The following ACOX1 variants were observed in gnomAD, a reference collection of about 807,000 sequenced individuals.
ACOX1 encodes acyl-CoA oxidase 1.
In ACOX1, 41 loss-of-function variants were observed where a neutral mutation model predicts 75.5. The ratio of observed to expected loss-of-function variants is 0.54; its 90% CI spans 0.42 to 0.70. ACOX1 has a LOEUF of 0.70. Ranked by LOEUF, ACOX1 falls within the 30% of genes least tolerant of loss-of-function variation. The probability of loss-of-function intolerance (pLI) is 0.00; values close to 1 mark genes in which losing one functional copy is unlikely to be tolerated. For synonymous variants in ACOX1, 303 were observed against 298.8 expected (o/e 1.01, Z -0.15); for missense variants, 630 against 837.5 (o/e 0.75, Z 3.06).
intron 2 of ACOX1, among the ~76,000 whole-genome samples, chr17:75,974,843 G>A (rs1379715320): frequency 1.3e-5 from 2 of 150,258 alleles, no homozygotes; most frequent in East Asian, 3.9e-4. Flanking sequence ...CCATCAGATC[G>A]AGACCATCCT....
chr17:75,978,389 G>A lies in ACOX1; in HGVS notation c.269+145C>T, dbSNP rs2066078404. ...ATTACAGGCGTGAGCCACCGCGCCC[G>A]GCCACACATATAACTTTATAAAGTT... On this transcript the variant is annotated intron_variant, in intron 2 of 13. Transcript: ENST00000293217. The surrounding 1 kb of genome is among the most constrained non-coding windows in gnomAD (Gnocchi z 4.2). 1.7e-6 allele frequency: 2 copies of A among 1,153,864 alleles called. No individual in the cohort carries two copies. The highest frequency in any genetic ancestry group is 2.5e-6 in the Non-Finnish European group (2 of 792,790). 71.5% of individuals were successfully genotyped at this position (1,153,864 alleles called of 1,614,324 possible).
chr17:75,961,238 A>T (rs2144274022), intron 2 of ACOX1, among the ~76,000 whole-genome samples: 1 of 150,174 alleles, frequency 6.7e-6, no homozygotes, highest in East Asian at 2.0e-4. Context: ...GGTTGCAGTG[A>T]GCTAAGATAA....
At chr17:75,965,337 C>CAAAAAAAAAAA (rs11293371) in intron 2 of ACOX1, among the ~76,000 whole-genome samples, 22 of 81,700 alleles carry the variant, frequency 2.7e-4, no homozygotes, top group African/African-American at 8.0e-4. Flanking sequence ...GACTCTGTCT[C>CAAAAAAAAAAA]AAAAAAAAAA....
At chr17:75,973,481 G>A in intron 2 of ACOX1, 1 of 864,906 alleles carries the variant, frequency 1.2e-6, no homozygotes, top group South Asian at 1.5e-5. Flanking sequence ...AAATGTCTAG[G>A]AGAAAACAAG....
chr17:75,973,524 G>C, intron 2 of ACOX1: 1 of 1,263,684 alleles, frequency 7.9e-7, no homozygotes, highest in Non-Finnish European at 1.1e-6. Flanking sequence ...CTTAAAAATA[G>C]AATCCCAAAC....
Position 75,949,274 on chromosome 17 carries a change from A to C in ACOX1, c.1671T>G (p.Ser557Arg). Residue 557 changes from serine to arginine, a missense_variant, in exon 12 of 14, where the codon AGT (serine) becomes AGG (arginine). Around this residue, in one of 2 missense-constraint regions of ACOX1, gnomAD observed 240 missense variants for 262.7 expected, o/e 0.91. Transcript: ENST00000293217. ...QDKAIQAVLR[S>R]LCLLYSLYGI... ...CATACAGAGAATACAGCAGACATAA[A>C]CTCCTTAAGACAGCTTGAATGGCTT... 1 of 1,614,150 alleles carries C rather than the reference A, an allele frequency of 6.2e-7. No homozygotes were observed. The highest frequency in any genetic ancestry group is 8.5e-7 in the Non-Finnish European group (1 of 1,180,028).
chr17:75,956,959 CTCTCTCTCTCTCTATA>C (rs1234956260), intron 4 of ACOX1, among the ~76,000 whole-genome samples: 45 of 25,198 alleles, frequency 1.8e-3, no homozygotes, highest in Admixed American at 2.1e-3. Context: ...CTCTCTCTCT[CTCTCTCTCTCTCTATA>C]TATATATATA....
In ACOX1 at chr17:75,978,371, G is replaced by A. The variant is rs529925029; in HGVS notation, c.269+163C>T. ...GCCTCCCAAAGTGCTGGGATTACAGGCGTGAGCCACCGCGCCCGGCCACAC... is the reference window on the plus strand; with the variant it reads ...GCCTCCCAAAGTGCTGGGATTACAGACGTGAGCCACCGCGCCCGGCCACAC... On this transcript the variant is annotated intron_variant, in intron 2 of 13. Coordinates refer to ENST00000293217, the MANE Select transcript of ACOX1 (RefSeq NM_004035.7). The surrounding 1 kb of genome is among the most constrained non-coding windows in gnomAD (Gnocchi z 4.2). 4.6e-5 allele frequency: 40 copies of A among 864,436 alleles called. No homozygotes were observed. The highest frequency in any genetic ancestry group is 6.9e-5 in the Non-Finnish European group (38 of 550,774). 53.5% of individuals were successfully genotyped at this position (864,436 alleles called of 1,614,324 possible).
rs1265336731 is a variant in ACOX1 at position 75,956,953 on chromosome 17, CTCTCTCTCTCTCTCTCTCTATATATA to C, written c.538+480_538+505del. 7.8e-3 allele frequency among the ~76,000 whole-genome samples: 241 copies of C among 30,876 alleles called. 2 individuals are homozygous for C. Among genetic ancestry groups the C allele is most frequent in the African/African-American group, 0.038 (172 of 4,576 alleles). 20.3% of individuals were successfully genotyped at this position (30,876 alleles called of 152,430 possible). On this transcript the variant is annotated intron_variant, in intron 4 of 13. Transcript: ENST00000293217. ...TCTCTCTCTCTCTCTCTCTCTCTCTCTCTCTCTCTCTCTCTCTCTATATATATATATATATATATATATATATATAT... is the reference window on the plus strand; with the variant it reads ...TCTCTCTCTCTCTCTCTCTCTCTCTCTATATATATATATATATATATATAT...
chr17:75,975,096 T>C (rs1311783648), intron 2 of ACOX1, among the ~76,000 whole-genome samples: 6 of 147,750 alleles, frequency 4.1e-5, no homozygotes, highest in Admixed American at 6.7e-5. Flanking sequence ...GAAATAATAG[T>C]AAACACAATA....
chr17:75,962,185 A>T (rs1306156751), intron 2 of ACOX1, among the ~76,000 whole-genome samples: 2 of 152,190 alleles, frequency 1.3e-5, no homozygotes, highest in Non-Finnish European at 2.9e-5. Context: ...CCAATAATTT[A>T]TTTCAGAAAT....
chr17:75,956,965 CT>C lies in ACOX1; in HGVS notation c.538+493del, dbSNP rs2065835834. Among the ~76,000 whole-genome samples the C allele has an allele frequency of 2.8e-4, 4 of 14,362 alleles. No homozygotes were observed. The Admixed American group carries it at 3.8e-3, about 14-fold the overall frequency. 9.4% of individuals were successfully genotyped at this position (14,362 alleles called of 152,430 possible). A position where few individuals can be genotyped will look rare whatever the true frequency, so the allele number is the denominator to read the frequency against. Reference sequence around the variant, plus strand: ...TCTCTCTCTCTCTCTCTCTCTCTCTCTCTCTCTATATATATATATATATATA... The same window carrying C: ...TCTCTCTCTCTCTCTCTCTCTCTCTCCTCTCTATATATATATATATATATA... On this transcript the variant is annotated intron_variant, in intron 4 of 13. Coordinates refer to ENST00000293217, the MANE Select transcript of ACOX1 (RefSeq NM_004035.7).
intron 4 of ACOX1, among the ~76,000 whole-genome samples, chr17:75,957,113 T>G (rs2065841020): frequency 6.6e-6 from 1 of 151,352 alleles, no homozygotes; most frequent in Non-Finnish European, 1.5e-5. Flanking sequence ...TGAGACAAAG[T>G]CTTGCTGTGA....
chr17:75,960,506 T>C lies in ACOX1; in HGVS notation c.270-131A>G, dbSNP rs962837601. 12 of 880,938 alleles carry C rather than the reference T, an allele frequency of 1.4e-5. No individual in the cohort carries two copies. The highest frequency in any genetic ancestry group is 5.3e-5 in the East Asian group (2 of 37,978). 54.6% of individuals were successfully genotyped at this position (880,938 alleles called of 1,614,324 possible). ...TGAATTAGTTGCGTGCACTTAATCATAGATGGGAGCACTGTCCCTTTCTGT... is the reference window on the plus strand; with the variant it reads ...TGAATTAGTTGCGTGCACTTAATCACAGATGGGAGCACTGTCCCTTTCTGT... On this transcript the variant is annotated intron_variant, in intron 2 of 13. Coordinates refer to ENST00000293217, the MANE Select transcript of ACOX1 (RefSeq NM_004035.7). This position sits in a 1 kb window ranked among gnomAD's most constrained non-coding sequence, Gnocchi z 4.4.
rs929683598 is a variant in ACOX1, at chr17:75,960,469, A to T, written c.270-94T>A. The T allele has an allele frequency of 7.4e-7, 1 of 1,346,834 alleles. No homozygotes were observed. Among genetic ancestry groups the T allele is most frequent in the African/African-American group, 1.4e-5 (1 of 69,408 alleles). The allele number at this position is 1,346,834 out of a possible 1,614,324, so 83.4% of individuals were successfully genotyped here. On this transcript the variant is annotated intron_variant, in intron 2 of 13. Transcript: ENST00000293217. This position sits in a 1 kb window ranked among gnomAD's most constrained non-coding sequence, Gnocchi z 4.4. ...AATAGAGCAAGGGAAGGAGACAAAA[A>T]AACCTTAAGTATGAATTAGTTGCGT...
chr17:75,948,599 G>A (rs1242486799), intron 12 of ACOX1, 142 bp from the exon 13 acceptor site: 1 of 781,430 alleles, frequency 1.3e-6, no homozygotes, highest in Non-Finnish European at 2.1e-6. Flanking sequence ...TTGTTGCCCA[G>A]GCTGGAGTAC....
intron 6 of ACOX1, 106 bp from the exon 7 acceptor site, chr17:75,953,726 C>T: frequency 7.5e-7 from 1 of 1,336,244 alleles, no homozygotes; most frequent in East Asian, 2.3e-5. Context: ...CATCACCTGG[C>T]AACTTGCATG....
rs1456010429 is a variant in ACOX1, at chr17:75,975,024, T to C, written c.269+3510A>G. On this transcript the variant is annotated intron_variant, in intron 2 of 13. Transcript: ENST00000293217. The stretch of plus-strand genomic sequence containing the variant: ...GAGATCGCACCACTGCACTCCAGCC[T>C]GGGCGACAGAGCGAGACTCTGTCTC... 4.4e-5 allele frequency among the ~76,000 whole-genome samples: 5 copies of C among 112,376 alleles called. 1 individual carries two copies. Among genetic ancestry groups the C allele is most frequent in the Admixed American group, 4.1e-4 (3 of 7,284 alleles). The allele number at this position is 112,376 out of a possible 152,430, so 73.7% of individuals were successfully genotyped here. A position where few individuals can be genotyped will look rare whatever the true frequency, so the allele number is the denominator to read the frequency against.
At chr17:75,957,609 A>C in intron 3 of ACOX1, 43 bp from the exon 4 acceptor site, 3 of 1,499,854 alleles carry the variant, frequency 2.0e-6, no homozygotes, top group Non-Finnish European at 2.8e-6. Flanking sequence ...GAGATGGGGA[A>C]AAAAATAGGC....
Sources: allele counts gnomAD v4.1 joint callset (sites outside exome capture counted in the v4.1 genomes callset), GRCh38; gene constraint gnomAD v4.1.1; regional missense constraint gnomAD v4.1.1; non-coding constraint Gnocchi (gnomAD v3.1); transcripts MANE v1.5; gene names NCBI Gene and HGNC (gene_info 2026-07-23, HGNC 2026-07-21).